The following SDK1 variants were observed in gnomAD, a reference collection of about 807,000 sequenced individuals.
SDK1 encodes sidekick cell adhesion molecule 1.
Under a neutral mutation model 245.5 loss-of-function variants are expected in SDK1, and 157 were observed. That is an observed-to-expected ratio of 0.64 (90% CI 0.56 to 0.73). The LOEUF (loss-of-function observed/expected upper bound fraction) is 0.73, where lower values mean the gene tolerates loss of function less well. SDK1 is among the 30% of genes least tolerant of loss of function. The pLI is 0.00. For synonymous variants in SDK1, 1,647 were observed against 1,278.5 expected (o/e 1.29, Z -6.15); for missense variants, 3,583 against 3,002.3 (o/e 1.19, Z -4.52).
intron 4 of SDK1, among the ~76,000 whole-genome samples, chr7:3,750,486 A>G (rs1779742955): frequency 2.0e-5 from 3 of 152,212 alleles, no homozygotes; most frequent in Non-Finnish European, 2.9e-5. Flanking sequence ...TGCAATAGGT[A>G]TAGGAACAGC....
At chr7:3,338,427 A>G (rs1780259598) in intron 1 of SDK1, 3 of 527,598 alleles carry the variant, frequency 5.7e-6, no homozygotes, top group South Asian at 3.1e-5. Context: ...TTAAGAGCCA[A>G]GATAGCTTCC....
At chr7:3,981,283 T>A (rs1048016184) in intron 13 of SDK1, among the ~76,000 whole-genome samples, 1 of 152,202 alleles carries the variant, frequency 6.6e-6, no homozygotes, top group African/African-American at 2.4e-5. Flanking sequence ...ACTTAAGCTA[T>A]AAATGCCTTG....
intron 5 of SDK1, among the ~76,000 whole-genome samples, chr7:3,912,066 G>A (rs142326104): frequency 2.0e-5 from 3 of 152,216 alleles, no homozygotes; most frequent in African/African-American, 4.8e-5. Flanking sequence ...ACAAAGGATC[G>A]GCCAAGGAAG....
chr7:3,937,788 C>T (rs545007935), intron 5 of SDK1, among the ~76,000 whole-genome samples: 64 of 152,340 alleles, frequency 4.2e-4, no homozygotes, highest in Non-Finnish European at 7.5e-4. Context: ...CCCTGATGGG[C>T]TTGGGCTCCA....
At chr7:4,140,218 C>T (rs1203633176) in intron 28 of SDK1, among the ~76,000 whole-genome samples, 1 of 152,204 alleles carries the variant, frequency 6.6e-6, no homozygotes. Flanking sequence ...CCTCTCAGAT[C>T]AGTGGCTTTG....
At chr7:3,642,606 C>T (rs923852602) in intron 4 of SDK1, among the ~76,000 whole-genome samples, 1 of 152,130 alleles carries the variant, frequency 6.6e-6, no homozygotes, top group Non-Finnish European at 1.5e-5. Flanking sequence ...TTCTCTTCAT[C>T]TAATTAGTGG....
chr7:3,618,597 G>T (rs542166364), intron 1 of SDK1, among the ~76,000 whole-genome samples: 1 of 152,208 alleles, frequency 6.6e-6, no homozygotes, highest in East Asian at 1.9e-4. Flanking sequence ...CCATTTCCAC[G>T]TGTGTATGAA....
chr7:3,856,660 G>A (rs1221683934), intron 5 of SDK1, among the ~76,000 whole-genome samples: 1 of 151,748 alleles, frequency 6.6e-6, no homozygotes, highest in East Asian at 1.9e-4. Context: ...GCATGGTGGC[G>A]GGCACCTGTA....
intron 4 of SDK1, among the ~76,000 whole-genome samples, chr7:3,659,416 C>A (rs980976607): frequency 5.9e-5 from 9 of 152,162 alleles, no homozygotes; most frequent in Middle Eastern, 3.4e-3. Flanking sequence ...AATATTTATA[C>A]CAAAATTTGA....
At chr7:3,479,117 A>G (rs1182142348) in intron 1 of SDK1, among the ~76,000 whole-genome samples, 2 of 152,176 alleles carry the variant, frequency 1.3e-5, no homozygotes, top group South Asian at 2.1e-4. Flanking sequence ...TCACATTTGC[A>G]TAAGCATATC....
chr7:3,486,065 C>T (rs565352888), intron 1 of SDK1, among the ~76,000 whole-genome samples: 180 of 152,108 alleles, frequency 1.2e-3, no homozygotes, highest in Admixed American at 4.6e-3. Context: ...TCATTAAAAT[C>T]ATCTATGCTT....
chr7:3,670,322 T>C (rs1317192010), intron 4 of SDK1, among the ~76,000 whole-genome samples: 1 of 152,160 alleles, frequency 6.6e-6, no homozygotes. Flanking sequence ...TTTTCTTCCA[T>C]CTCTTTCCCT....
chr7:3,516,765 C>T (rs547624599), intron 1 of SDK1, among the ~76,000 whole-genome samples: 1 of 152,146 alleles, frequency 6.6e-6, no homozygotes, highest in African/African-American at 2.4e-5. Flanking sequence ...TTGAAAGATA[C>T]TGAGTATTAG....
chr7:3,984,251 C>A (rs917326879), intron 13 of SDK1, among the ~76,000 whole-genome samples: 1 of 152,048 alleles, frequency 6.6e-6, no homozygotes, highest in Non-Finnish European at 1.5e-5. Flanking sequence ...GAGCTGACCC[C>A]TGGAGGACAG....
At chr7:3,939,293 T>A (rs1009332377) in intron 5 of SDK1, among the ~76,000 whole-genome samples, 10 of 152,212 alleles carry the variant, frequency 6.6e-5, no homozygotes, top group African/African-American at 2.4e-4. Flanking sequence ...TTCTGGATGA[T>A]GAACTATAAA....
intron 5 of SDK1, among the ~76,000 whole-genome samples, chr7:3,855,259 G>T (rs945078952): frequency 1.3e-5 from 2 of 151,930 alleles, no homozygotes; most frequent in African/African-American, 4.8e-5. Context: ...ACCACACCAA[G>T]AATCACTAGA....
chr7:3,353,365 C>T (rs1583728770), intron 1 of SDK1, among the ~76,000 whole-genome samples: 1 of 151,966 alleles, frequency 6.6e-6, no homozygotes, highest in Admixed American at 6.5e-5. Flanking sequence ...CCTTAGTGTA[C>T]GTTTGGGTTT....
intron 4 of SDK1, among the ~76,000 whole-genome samples, chr7:3,820,901 G>A (rs1202664182): frequency 2.6e-5 from 4 of 152,228 alleles, no homozygotes; most frequent in East Asian, 1.9e-4. Context: ...TGAAAAAGAC[G>A]TGGCCTGGAG....
At chr7:4,038,682 G>A (rs1387055190) in intron 17 of SDK1, among the ~76,000 whole-genome samples, 4 of 152,214 alleles carry the variant, frequency 2.6e-5, no homozygotes, top group Non-Finnish European at 5.9e-5. Flanking sequence ...AATTGCAGGA[G>A]GAATTTTGGC....
Sources: allele counts gnomAD v4.1 joint callset (sites outside exome capture counted in the v4.1 genomes callset), GRCh38; gene constraint gnomAD v4.1.1; transcripts MANE v1.5; gene names NCBI Gene and HGNC (gene_info 2026-07-23, HGNC 2026-07-21).